The following ARAP2 variants were observed in gnomAD, a reference collection of about 807,000 sequenced individuals.
ARAP2 encodes ArfGAP with RhoGAP domain, ankyrin repeat and PH domain 2.
ARAP2 carries 148 observed loss-of-function variants against 194.5 expected under a neutral mutation model. That is an observed-to-expected ratio of 0.76 (90% CI 0.67 to 0.87). ARAP2 has a LOEUF of 0.87. Among genes scored for constraint, ARAP2 ranks in the 40% least tolerant of loss-of-function variants. The probability of loss-of-function intolerance (pLI) is 0.00; values close to 1 mark genes in which losing one functional copy is unlikely to be tolerated. For synonymous variants in ARAP2, 695 were observed against 683.5 expected (o/e 1.02, Z -0.26); for missense variants, 2,128 against 1,989.7 (o/e 1.07, Z -1.32).
intron 22 of ARAP2, among the ~76,000 whole-genome samples, chr4:36,121,751 G>C (rs1024179474): frequency 6.6e-6 from 1 of 151,706 alleles, no homozygotes; most frequent in Admixed American, 6.6e-5. Context: ...ACATATAATT[G>C]ACAGTTCCAA....
intron 15 of ARAP2, among the ~76,000 whole-genome samples, chr4:36,151,509 C>T (rs1474784719): frequency 6.6e-6 from 1 of 152,066 alleles, no homozygotes; most frequent in South Asian, 2.1e-4. Context: ...CACATTACCA[C>T]CTGCAGGCTA....
At chr4:36,052,357 T>G (rs1369956345) in intron 2 of ARAP2, among the ~76,000 whole-genome samples, 1 of 152,232 alleles carries the variant, frequency 6.6e-6, no homozygotes, top group Admixed American at 6.5e-5. Context: ...TCTAAGTTGT[T>G]AGTGTTCACA....
intron 21 of ARAP2, among the ~76,000 whole-genome samples, chr4:36,126,513 A>AT (rs1167782012): frequency 6.6e-6 from 1 of 152,058 alleles, no homozygotes; most frequent in Non-Finnish European, 1.5e-5. Flanking sequence ...GTACACGGCT[A>AT]TAAGGCATTC....
chr4:36,017,187 A>C (rs1715975397), intron 6 of ARAP2, among the ~76,000 whole-genome samples: 1 of 151,930 alleles, frequency 6.6e-6, no homozygotes, highest in Non-Finnish European at 1.5e-5. Flanking sequence ...GTCAAGATAA[A>C]AATGAAAAAT....
chr4:36,098,962 G>A (rs1003850173), intron 27 of ARAP2, among the ~76,000 whole-genome samples: 3 of 151,972 alleles, frequency 2.0e-5, no homozygotes, highest in Non-Finnish European at 4.4e-5. Context: ...CATGTGCCAT[G>A]GTGGTTTGCT....
chr4:36,008,726 T>G (rs1041336937), intron 9 of ARAP2, among the ~76,000 whole-genome samples: 2 of 151,910 alleles, frequency 1.3e-5, no homozygotes, highest in Non-Finnish European at 2.9e-5. Flanking sequence ...AGTTTCTGCA[T>G]AGCAAGAGAA....
At chr4:36,225,813 G>A (rs1037956505) in intron 2 of ARAP2, among the ~76,000 whole-genome samples, 15 of 152,000 alleles carry the variant, frequency 9.9e-5, no homozygotes, top group Non-Finnish European at 2.1e-4. Context: ...TAAAAACACA[G>A]GCCATAAAGA....
chr4:36,230,393 T>A (rs1357539469), intron 1 of ARAP2, among the ~76,000 whole-genome samples: 1 of 152,236 alleles, frequency 6.6e-6, no homozygotes, highest in African/African-American at 2.4e-5. Context: ...CTCAGTTCAA[T>A]AATTTTCATT....
At chr4:36,139,702 GT>G (rs1487792921) in intron 19 of ARAP2, among the ~76,000 whole-genome samples, 1 of 151,460 alleles carries the variant, frequency 6.6e-6, no homozygotes, top group East Asian at 1.9e-4. Flanking sequence ...CTTGTAAATA[GT>G]TTTATAGCTC....
At chr4:36,008,406 ATTT>A (rs2109302532) in intron 9 of ARAP2, among the ~76,000 whole-genome samples, 1 of 152,204 alleles carries the variant, frequency 6.6e-6, no homozygotes, top group South Asian at 2.1e-4. Context: ...TAACCATCTG[ATTT>A]TCAACAAACT....
At chr4:36,080,359 G>C (rs1729235711) in intron 30 of ARAP2, 80 bp from the exon 31 acceptor site, 1 of 1,176,944 alleles carries the variant, frequency 8.5e-7, no homozygotes, top group African/African-American at 1.5e-5. Context: ...GTGATTTGGT[G>C]ATCAAAAATC....
In ARAP2 at chr4:36,043,794, A is replaced by AGAAGGGAAGGGAAGGGAAGGGAAGG. The variant is rs1229545018; in HGVS notation, n.607+2160_607+2184dup. Among the ~76,000 whole-genome samples the AGAAGGGAAGGGAAGGGAAGGGAAGG allele has an allele frequency of 3.3e-3, 89 of 26,894 alleles. 17 individuals carry two copies. Among genetic ancestry groups the AGAAGGGAAGGGAAGGGAAGGGAAGG allele is most frequent in the Middle Eastern group, 0.059 (2 of 34 alleles). The allele number at this position is 26,894 out of a possible 152,430, so 17.6% of individuals were successfully genotyped here. A position where few individuals can be genotyped will look rare whatever the true frequency, so the allele number is the denominator to read the frequency against. On this transcript the variant is annotated intron_variant and non_coding_transcript_variant, in intron 5 of 12. Transcript: ENST00000503225. ...AAATAAAGAAAAGAAAGAAGAGAAG[A>AGAAGGGAAGGGAAGGGAAGGGAAGG]GAAGGGAAGGGAAGGGAAGGGAAGG...
intron 5 of ARAP2, among the ~76,000 whole-genome samples, chr4:36,031,520 C>A (rs1423262791): frequency 2.0e-5 from 3 of 152,046 alleles, no homozygotes; most frequent in Non-Finnish European, 4.4e-5. Context: ...GGCAACATTA[C>A]AAAGTTAGTT....
intron 19 of ARAP2, among the ~76,000 whole-genome samples, chr4:36,145,507 T>C (rs983127438): frequency 2.9e-4 from 44 of 151,920 alleles, no homozygotes; most frequent in African/African-American, 1.0e-3. Flanking sequence ...ATGGAAATAA[T>C]AGACACTGAG....
intron 6 of ARAP2, among the ~76,000 whole-genome samples, chr4:36,205,832 T>C (rs1054766077): frequency 6.6e-6 from 1 of 152,210 alleles, no homozygotes; most frequent in Non-Finnish European, 1.5e-5. Context: ...AACCAGGTAA[T>C]TTTATGGAGA....
chr4:36,163,213 ACATG>A (rs1270244000), intron 11 of ARAP2, among the ~76,000 whole-genome samples: 1 of 152,170 alleles, frequency 6.6e-6, no homozygotes, highest in Non-Finnish European at 1.5e-5. Flanking sequence ...CCAAGGGAAC[ACATG>A]TATTTCACAA....
chr4:36,007,023 G>A (rs982998220), exon 10 of ARAP2: 6 of 152,106 alleles, frequency 3.9e-5, no homozygotes, highest in African/African-American at 1.4e-4. Context: ...ACCTCAGCCT[G>A]GGTGACAGAA....
At chr4:36,043,721 G>C (rs73123428) in intron 5 of ARAP2, among the ~76,000 whole-genome samples, 3,300 of 149,792 alleles carry the variant, frequency 0.022, 142 homozygotes, top group African/African-American at 0.076. Context: ...TTTGTGAAGA[G>C]CCACCTCACT....
intron 2 of ARAP2, among the ~76,000 whole-genome samples, chr4:36,217,995 T>C (rs1322751158): frequency 6.6e-6 from 1 of 151,700 alleles, no homozygotes; most frequent in Non-Finnish European, 1.5e-5. Flanking sequence ...CTAAAATACA[T>C]GTGAAAAACA....
Sources: allele counts gnomAD v4.1 joint callset (sites outside exome capture counted in the v4.1 genomes callset), GRCh38; gene constraint gnomAD v4.1.1; transcripts MANE v1.5; gene names NCBI Gene and HGNC (gene_info 2026-07-23, HGNC 2026-07-21).